Variants in NARF observed in about 807,000 individuals in gnomAD.
The protein encoded by NARF is nuclear prelamin A recognition factor.
Under a neutral mutation model 48.0 loss-of-function variants are expected in NARF, and 41 were observed. The ratio of observed to expected loss-of-function variants is 0.85; its 90% CI spans 0.66 to 1.11. The LOEUF is 1.11. Ranked by LOEUF, NARF falls within the 50% of genes least tolerant of loss-of-function variation. The pLI, the probability that NARF is intolerant of heterozygous loss-of-function variation, is 0.00. For synonymous variants in NARF, 215 were observed against 225.5 expected (o/e 0.95, Z 0.42); for missense variants, 613 against 590.2 (o/e 1.04, Z -0.40).
At chr17:82,464,085 C>CCCTGTGT (rs1338286011) in intron 2 of NARF, 2 of 572,624 alleles carry the variant, frequency 3.5e-6, no homozygotes, top group Non-Finnish European at 6.0e-6. Flanking sequence ...GTGGGCTGGG[C>CCCTGTGT]CCTGTGTCCT....
intron 5 of NARF, among the ~76,000 whole-genome samples, chr17:82,474,305 C>A (rs959938508): frequency 6.6e-6 from 1 of 152,106 alleles, no homozygotes; most frequent in Admixed American, 6.5e-5. Flanking sequence ...AAGAAAATTT[C>A]TTTACATTGA....
At chr17:82,466,096 G>A (rs2043559951) in intron 3 of NARF, among the ~76,000 whole-genome samples, 2 of 152,192 alleles carry the variant, frequency 1.3e-5, no homozygotes, top group African/African-American at 4.8e-5. Flanking sequence ...AATGGCTTCA[G>A]CCATTTTGTT....
intron 2 of NARF, 91 bp downstream of exon 2, chr17:82,460,163 G>A (rs527390178): frequency 1.8e-6 from 2 of 1,135,512 alleles, no homozygotes; most frequent in African/African-American, 3.2e-5. Flanking sequence ...GCACATCACT[G>A]CTTTAAAGAA....
In NARF at chr17:82,490,281, A is replaced by G. The variant is rs980182029; in HGVS notation, c.*2124A>G. 1.3e-5 allele frequency: 2 copies of G among 152,316 alleles called. No individual in the cohort carries two copies. The highest frequency in any genetic ancestry group is 6.5e-5 in the Admixed American group (1 of 15,282). 9.4% of individuals were successfully genotyped at this position (152,316 alleles called of 1,614,324 possible). On this transcript the variant is annotated 3_prime_UTR_variant, in exon 11 of 11. Coordinates refer to ENST00000309794, the MANE Select transcript of NARF (RefSeq NM_012336.4). ...AACGTGGCCCAAGGTGTCCTGAAGC[A>G]CTGGGATTGGATTAACTCGAGCGAT...
intron 3 of NARF, among the ~76,000 whole-genome samples, chr17:82,465,357 T>G (rs905082254): frequency 5.9e-5 from 9 of 152,188 alleles, no homozygotes; most frequent in Non-Finnish European, 1.3e-4. Context: ...AAAGCACTTC[T>G]TGGTTTCCAT....
rs9895251 is a variant in NARF at position 82,485,323 on chromosome 17, A to G, written c.972-174A>G. Among the ~76,000 whole-genome samples the G allele has an allele frequency of 7.8e-3, 1,180 of 152,140 alleles. 16 individuals are homozygous for G. Among genetic ancestry groups the G allele is most frequent in the African/African-American group, 0.027 (1,108 of 41,504 alleles). Reference sequence around the variant, plus strand: ...ATAGTCCCAGCTACTCGGGAAGCTGAGGCAGGAGAATGGCGTGAACCCGGG... The same window carrying G: ...ATAGTCCCAGCTACTCGGGAAGCTGGGGCAGGAGAATGGCGTGAACCCGGG... On this transcript the variant is annotated intron_variant, in intron 9 of 10. Transcript: ENST00000309794.
At position 82,478,890 on chromosome 17, in the gene NARF, TG is replaced by T. The variant is rs1231939611; in HGVS notation, c.613del (p.Val205Ter). 2 of 1,613,844 alleles carry T rather than the reference TG, an allele frequency of 1.2e-6. No homozygotes were observed. ...AKSPQQVMGS[L>X]VKDYFARQQN... ...TCCCCCCAGCAGGTCATGGGCTCTT[TG>T]GTGAAGGATTATTTCGCCAGACAGC... is the stretch of plus-strand genomic sequence containing the variant. On this transcript the variant is annotated frameshift_variant, in exon 6 of 11. Transcript: ENST00000309794. LOFTEE classifies it high-confidence loss of function.
intron 4 of NARF, 36 bp from the exon 5 acceptor site, chr17:82,472,528 C>G (rs776443967): frequency 6.5e-7 from 1 of 1,545,074 alleles, no homozygotes; most frequent in East Asian, 2.4e-5. Flanking sequence ...TCTTTTAGTA[C>G]GTGATTTAAG....
chr17:82,464,990 G>C (rs945298590), intron 3 of NARF, among the ~76,000 whole-genome samples: 1 of 152,190 alleles, frequency 6.6e-6, no homozygotes, highest in Admixed American at 6.6e-5. Flanking sequence ...ACGTGACACT[G>C]GCTAATTTAT....
chr17:82,464,262 C>A, intron 2 of NARF, 25 bp from the exon 3 acceptor site: 2 of 1,608,400 alleles, frequency 1.2e-6, no homozygotes. Context: ...GTTGAATAAT[C>A]ATGCTGAAAC....
At chr17:82,479,901 G>A (rs1486463403) in intron 6 of NARF, 1 of 152,582 alleles carries the variant, frequency 6.6e-6, no homozygotes, top group Non-Finnish European at 1.5e-5. Flanking sequence ...TCTGTCCCTT[G>A]CCCTGCCCCC....
chr17:82,486,845 C>T (rs149132692), intron 10 of NARF, among the ~76,000 whole-genome samples: 1 of 152,192 alleles, frequency 6.6e-6, no homozygotes, highest in Admixed American at 6.5e-5. Context: ...TGAACTCTTA[C>T]ACTACTAAGA....
At chr17:82,485,004 G>C (rs1475501824) in intron 9 of NARF, 54 bp downstream of exon 9, 1 of 1,539,090 alleles carries the variant, frequency 6.5e-7, no homozygotes, top group East Asian at 2.3e-5. Context: ...CGTGTGCATG[G>C]TGTGCCTGTA....
At chr17:82,471,324 G>A (rs936069402) in intron 4 of NARF, among the ~76,000 whole-genome samples, 2 of 151,096 alleles carry the variant, frequency 1.3e-5, no homozygotes, top group Admixed American at 6.6e-5. Context: ...GCGTGGTGAC[G>A]GGCGCCTGTA....
chr17:82,464,489 A>G, intron 3 of NARF, 59 bp downstream of exon 3: 1 of 1,555,458 alleles, frequency 6.4e-7, no homozygotes, highest in Admixed American at 1.9e-5. Flanking sequence ...AGTGGAGGTG[A>G]GGCCTGGCTT....
chr17:82,488,169 G>A lies in NARF; in HGVS notation c.*12G>A. The A allele has an allele frequency of 6.2e-6, 10 of 1,610,556 alleles. No homozygotes were observed. The highest frequency in any genetic ancestry group is 8.5e-6 in the Non-Finnish European group (10 of 1,177,406). On this transcript the variant is annotated 3_prime_UTR_variant, in exon 11 of 11. Transcript: ENST00000309794. Reference sequence around the variant, plus strand: ...ACATCAAGTGGTGAAGTCAGGCCAGGGCCTTCCAGCTGCTCTTGGGGCCAG... The same window carrying A: ...ACATCAAGTGGTGAAGTCAGGCCAGAGCCTTCCAGCTGCTCTTGGGGCCAG...
In NARF at chr17:82,460,023, A is replaced by G. The variant is rs144725155; in HGVS notation, c.59A>G (p.Gln20Arg). ...ECSKKTKTDD[Q>R]ENVSADAPSP... is the part of the protein sequence containing the mutation. ...AGTAAGAAAACAAAAACTGATGACC[A>G]AGAGAATGTGTCAGCCGATGCACCG... The change falls in exon 2 of 11, where the codon CAA becomes CGA. Residue 20 changes from glutamine to arginine, a missense_variant. Physicochemically the swap from Gln to Arg is conservative, Grantham distance 43. Transcript: ENST00000309794. 38 of 1,613,976 alleles carry G rather than the reference A, an allele frequency of 2.4e-5. No individual in the cohort carries two copies. In the African/African-American group the frequency reaches 3.3e-4, roughly 14 times the overall value.
rs773988306 is a variant in NARF at position 82,481,154 on chromosome 17, G to A, written c.712G>A (p.Glu238Lys). 2 of 1,614,046 alleles carry A rather than the reference G, an allele frequency of 1.2e-6. No homozygotes were observed. The highest frequency in any genetic ancestry group is 2.2e-5 in the South Asian group (2 of 91,082). Residue 238 changes from glutamate to lysine, a missense_variant, in exon 7 of 11, where the codon GAA becomes AAA. Transcript: ENST00000309794. Reference sequence around the variant, plus strand: ...TGACAAGAAGCTGGAGGCTCTTCAGGAAAGCCTTCCCCCTGCTTTGCATGG... The same window carrying A: ...TGACAAGAAGCTGGAGGCTCTTCAGAAAAGCCTTCCCCCTGCTTTGCATGG... Reference protein sequence around the residue: ...CYDKKLEALQESLPPALHGSR... With the variant: ...CYDKKLEALQKSLPPALHGSR...
intron 10 of NARF, 145 bp from the exon 11 acceptor site, chr17:82,487,771 C>CTG: frequency 3.1e-6 from 2 of 637,400 alleles, no homozygotes; most frequent in Non-Finnish European, 2.7e-6. Context: ...AACATAGCAA[C>CTG]ACCCGCCCCT....
Sources: allele counts gnomAD v4.1 joint callset (sites outside exome capture counted in the v4.1 genomes callset), GRCh38; gene constraint gnomAD v4.1.1; transcripts MANE v1.5; gene names NCBI Gene and HGNC (gene_info 2026-07-23, HGNC 2026-07-21).